GSE1: variants seen among roughly 807,000 people sequenced by gnomAD.
GSE1 encodes the protein Gse1 coiled-coil protein.
GSE1 carries 32 observed loss-of-function variants against 112.6 expected under a neutral mutation model. The observed-to-expected ratio is 0.28, with a 90% CI of 0.21 to 0.38. GSE1 has a LOEUF of 0.38. GSE1 is among the 10% of genes least tolerant of loss of function. The probability of loss-of-function intolerance (pLI) is 1.00; values close to 1 mark genes in which losing one functional copy is unlikely to be tolerated. For missense variants in GSE1, 2,348 were observed against 1,699.2 expected, an observed-to-expected ratio of 1.38 and a Z score of -6.71; for synonymous variants, 1,115 against 735.6, an observed-to-expected ratio of 1.52 and a Z score of -8.35.
chr16:85,536,966 G>T (rs17801812), intron 2 of GSE1, among the ~76,000 whole-genome samples: 2 of 152,042 alleles, frequency 1.3e-5, no homozygotes, highest in Non-Finnish European at 2.9e-5. Context: ...AGAGCAGGAC[G>T]CCTGACGTGG....
intron 1 of GSE1, chr16:85,283,021 C>A (rs2044900808): frequency 6.6e-6 from 1 of 152,558 alleles, no homozygotes; most frequent in African/African-American, 2.4e-5. Flanking sequence ...GGGGGATCTG[C>A]TTCCAAGGCT....
chr16:85,346,029 A>G (rs536077154), intron 1 of GSE1, among the ~76,000 whole-genome samples: 93 of 151,614 alleles, frequency 6.1e-4, no homozygotes, highest in Admixed American at 1.0e-3. Flanking sequence ...CAGTGGACAG[A>G]TGGACAAGTG....
chr16:85,463,066 C>G, intron 2 of GSE1: 5 of 984,542 alleles, frequency 5.1e-6, no homozygotes, highest in Non-Finnish European at 6.0e-6. Context: ...GTCCCGCGGC[C>G]CGGGGGGCGG....
intron 1 of GSE1, among the ~76,000 whole-genome samples, chr16:85,335,066 T>C (rs1347951902): frequency 6.6e-6 from 1 of 152,250 alleles, no homozygotes; most frequent in African/African-American, 2.4e-5. Flanking sequence ...TGACCCTTGT[T>C]TGAGTTTCCC....
chr16:85,294,624 T>A (rs1050043740), intron 1 of GSE1, among the ~76,000 whole-genome samples: 4 of 64,588 alleles, frequency 6.2e-5, no homozygotes, highest in Admixed American at 3.9e-4. Context: ...TCACTCTCTC[T>A]CTCTCTCTCT....
intron 2 of GSE1, among the ~76,000 whole-genome samples, chr16:85,646,599 G>C (rs1256887954): frequency 6.6e-6 from 1 of 152,202 alleles, no homozygotes. Flanking sequence ...GCGGAGATCT[G>C]CCCTGGGCCT....
In GSE1 at chr16:85,666,066, G is replaced by T; in HGVS notation, c.2849G>T (p.Gly950Val). ...LSDIPKAAEP[G>V]KLEQVRPQEL... ...GACATCCCAAAGGCCGCGGAGCCTG[G>T]GAAGCTGGAACAGGTCCGGCCCCAG... The change falls in exon 13 of 16, where the codon GGG (glycine) becomes GTG (valine). Residue 950 changes from glycine to valine, a missense_variant. Physicochemically the swap from Gly to Val is moderately radical, Grantham distance 109. Coordinates refer to ENST00000253458, the MANE Select transcript of GSE1 (RefSeq NM_014615.5). 1 of 1,613,440 alleles carries T rather than the reference G, an allele frequency of 6.2e-7. No individual in the cohort carries two copies. The highest frequency in any genetic ancestry group is 8.5e-7 in the Non-Finnish European group (1 of 1,180,004).
At chr16:85,361,888 C>G (rs1251313978) in intron 2 of GSE1, among the ~76,000 whole-genome samples, 1 of 152,176 alleles carries the variant, frequency 6.6e-6, no homozygotes, top group African/African-American at 2.4e-5. Flanking sequence ...CAGAGCTTAT[C>G]AGACTTGCGT....
intron 2 of GSE1, among the ~76,000 whole-genome samples, chr16:85,486,531 A>C (rs2050845140): frequency 2.0e-5 from 3 of 152,208 alleles, no homozygotes; most frequent in Non-Finnish European, 4.4e-5. Flanking sequence ...CCTGTCTTAG[A>C]ATTTCAGGAT....
intron 1 of GSE1, among the ~76,000 whole-genome samples, chr16:85,236,137 C>T (rs922092971): frequency 3.3e-5 from 5 of 152,126 alleles, no homozygotes; most frequent in African/African-American, 1.2e-4. Context: ...GGCCACCGGA[C>T]CGGAAAAGAG....
intron 2 of GSE1, among the ~76,000 whole-genome samples, chr16:85,465,782 C>T (rs1362256962): frequency 6.6e-6 from 1 of 152,224 alleles, no homozygotes; most frequent in Non-Finnish European, 1.5e-5. Flanking sequence ...AGGGAAGATC[C>T]TTTACACTCT....
chr16:85,647,673 G>A (rs1220376912), intron 2 of GSE1, among the ~76,000 whole-genome samples: 14 of 152,098 alleles, frequency 9.2e-5, no homozygotes, highest in South Asian at 4.1e-4. Flanking sequence ...CAGAACCTCC[G>A]CCTCCCGGGT....
intron 1 of GSE1, among the ~76,000 whole-genome samples, chr16:85,209,874 C>G (rs2075195356): frequency 6.6e-6 from 1 of 152,174 alleles, no homozygotes; most frequent in African/African-American, 2.4e-5. Context: ...AGTTGGTGAC[C>G]TAAAGCTGTT....
intron 1 of GSE1, among the ~76,000 whole-genome samples, chr16:85,326,216 G>A (rs1027809167): frequency 5.3e-5 from 8 of 152,154 alleles, no homozygotes; most frequent in South Asian, 2.1e-4. Context: ...TGGGAGGGGC[G>A]GTTAAGCCTA....
rs866942329 is a variant in GSE1 at position 85,627,077 on chromosome 16, A to T, written c.8-6837A>T. Reference sequence around the variant, plus strand: ...TTTTTTTTTTTTTTTTTTTTTTTTTAAAGCATTGTGCTGCTTCTGACCCTA... The same window carrying T: ...TTTTTTTTTTTTTTTTTTTTTTTTTTAAGCATTGTGCTGCTTCTGACCCTA... On this transcript the variant is annotated intron_variant, in intron 1 of 15. Coordinates refer to ENST00000253458, the MANE Select transcript of GSE1 (RefSeq NM_014615.5). Among the ~76,000 whole-genome samples the T allele has an allele frequency of 6.8e-3, 108 of 15,866 alleles. 5 individuals carry two copies. Among genetic ancestry groups the T allele is most frequent in the East Asian group, 0.013 (4 of 316 alleles). 10.4% of individuals were successfully genotyped at this position (15,866 alleles called of 152,430 possible).
In GSE1 at chr16:85,373,261, T is replaced by C. The variant is rs970423446; in HGVS notation, c.2464+15618T>C. 5.3e-5 allele frequency among the ~76,000 whole-genome samples: 8 copies of C among 152,142 alleles called. No homozygotes were observed. The highest frequency in any genetic ancestry group is 5.2e-4 in the Admixed American group (8 of 15,288). On this transcript the variant is annotated intron_variant, in intron 2 of 2. Coordinates refer to the GSE1 transcript ENST00000637419. This position sits in a 1 kb window ranked among gnomAD's most constrained non-coding sequence, Gnocchi z 5.1. Reference sequence around the variant, plus strand: ...AGGGATGGATCGCTCCATGCTGGGATCCCCCACTCTCACGCGCTCTCCCTC... The same window carrying C: ...AGGGATGGATCGCTCCATGCTGGGACCCCCCACTCTCACGCGCTCTCCCTC...
At chr16:85,462,265 C>A (rs963998490) in intron 2 of GSE1, among the ~76,000 whole-genome samples, 2 of 152,080 alleles carry the variant, frequency 1.3e-5, no homozygotes, top group African/African-American at 4.8e-5. Flanking sequence ...AGCTCAGAGA[C>A]CCCTGGGTTA....
intron 11 of GSE1, 137 bp downstream of exon 11, chr16:85,663,751 T>A: frequency 3.6e-6 from 3 of 841,756 alleles, no homozygotes; most frequent in Non-Finnish European, 5.6e-6. Context: ...TCCTCCCGGC[T>A]CCCGGGAACA....
intron 2 of GSE1, among the ~76,000 whole-genome samples, chr16:85,457,952 C>T (rs928024453): frequency 6.6e-6 from 1 of 152,200 alleles, no homozygotes; most frequent in Non-Finnish European, 1.5e-5. Flanking sequence ...ATTTTCATAC[C>T]TTCTCTGAGA....
Sources: gnomAD v4.1 joint callset for allele counts (sites outside exome capture counted in the v4.1 genomes callset) on GRCh38, gnomAD v4.1.1 for gene constraint, Gnocchi (gnomAD v3.1) non-coding constraint, MANE v1.5 for transcripts, NCBI Gene and HGNC (gene_info 2026-07-23, HGNC 2026-07-21) for gene names.